The following FTCDNL1 variants were observed in gnomAD, a reference collection of about 807,000 sequenced individuals.
FTCDNL1 encodes formiminotransferase N-terminal subdomain-containing protein.
Under a neutral mutation model 5.9 loss-of-function variants are expected in FTCDNL1, and 11 were observed. The ratio of observed to expected loss-of-function variants is 1.87; its 90% CI spans 1.18 to 3.10. The LOEUF is 3.10. Ranked by LOEUF, FTCDNL1 falls within the 30% of genes most tolerant of loss-of-function variation. The probability of loss-of-function intolerance (pLI) is 0.00; values close to 1 mark genes in which losing one functional copy is unlikely to be tolerated. For synonymous variants in FTCDNL1, 58 were observed against 24.8 expected, an observed-to-expected ratio of 2.34 and a Z score of -3.99; for missense variants, 115 against 65.5, an observed-to-expected ratio of 1.76 and a Z score of -2.61.
chr2:199,805,017 A>G (rs1401817171), downstream of FTCDNL1, among the ~76,000 whole-genome samples: 3 of 152,148 alleles, frequency 2.0e-5, no homozygotes, highest in African/African-American at 7.2e-5. Context: ...GGAAGGTGGC[A>G]CTGCCCAGCT....
chr2:199,666,585 T>C, the FTCDNL1 span, among the ~76,000 whole-genome samples: 1 of 152,180 alleles, frequency 6.6e-6, no homozygotes, highest in Non-Finnish European at 1.5e-5. Context: ...TCAGAACTCT[T>C]GGTTTTAGAA....
At chr2:199,833,355 A>G (rs1702502982) in intron 3 of FTCDNL1, among the ~76,000 whole-genome samples, 1 of 102,642 alleles carries the variant, frequency 9.7e-6, no homozygotes, top group South Asian at 3.1e-4. Context: ...GTTCATGCTG[A>G]TCAGAGACTG....
chr2:199,805,735 T>A (rs184505648), downstream of FTCDNL1, among the ~76,000 whole-genome samples: 8 of 151,612 alleles, frequency 5.3e-5, no homozygotes, highest in South Asian at 6.3e-4. Flanking sequence ...TAAGACTCTG[T>A]CTCAAAAAAT....
In FTCDNL1 at chr2:199,850,919, G is replaced by A. The variant is rs2106635273; in HGVS notation, c.-187C>T. The A allele has an allele frequency of 6.6e-6, 1 of 152,240 alleles. No individual in the cohort carries two copies. The highest frequency in any genetic ancestry group is 6.5e-5 in the Admixed American group (1 of 15,296). 9.4% of individuals were successfully genotyped at this position (152,240 alleles called of 1,614,324 possible). A position where few individuals can be genotyped will look rare whatever the true frequency, so the allele number is the denominator to read the frequency against. ...TGAAAGGGAACCCGAAGTGACTCCCGGCCTCCCCACAGGTCTCGCGGGACG... is the reference window on the plus strand; with the variant it reads ...TGAAAGGGAACCCGAAGTGACTCCCAGCCTCCCCACAGGTCTCGCGGGACG... On this transcript the variant is annotated 5_prime_UTR_variant, in exon 1 of 5. Coordinates refer to ENST00000420128, the MANE Select transcript of FTCDNL1 (RefSeq NM_001363886.2).
chr2:199,840,401 A>T (rs2076550071), intron 3 of FTCDNL1, among the ~76,000 whole-genome samples: 1 of 152,204 alleles, frequency 6.6e-6, no homozygotes, highest in Non-Finnish European at 1.5e-5. Flanking sequence ...ACCACTAACT[A>T]TTGACCCAAA....
intron 3 of FTCDNL1, 77 bp downstream of exon 3, chr2:199,845,998 T>TAGAGGGGAGTATTA: frequency 1.7e-6 from 1 of 595,170 alleles, no homozygotes; most frequent in Non-Finnish European, 3.0e-6. Context: ...ACAGAGGAAA[T>TAGAGGGGAGTATTA]CAATGATTAG....
chr2:199,819,926 C>G (rs1701583053), intron 3 of FTCDNL1, among the ~76,000 whole-genome samples, 169 bp from the exon 4 acceptor site: 1 of 152,174 alleles, frequency 6.6e-6, no homozygotes, highest in Non-Finnish European at 1.5e-5. Context: ...TGTTGTGCAA[C>G]CATCACCACT....
chr2:199,694,550 G>A, the FTCDNL1 span, among the ~76,000 whole-genome samples: 1 of 152,168 alleles, frequency 6.6e-6, no homozygotes, highest in Admixed American at 6.5e-5. Context: ...GACTAGCCAT[G>A]CACAGAGACT....
the FTCDNL1 span, among the ~76,000 whole-genome samples, chr2:199,694,250 C>A: frequency 1.3e-5 from 2 of 152,158 alleles, no homozygotes; most frequent in Non-Finnish European, 2.9e-5. Flanking sequence ...ATATTCAGAC[C>A]TACCAGGTGT....
At chr2:199,779,693 G>C (rs1002081830) in intron 3 of FTCDNL1, among the ~76,000 whole-genome samples, 1 of 152,182 alleles carries the variant, frequency 6.6e-6, no homozygotes, top group African/African-American at 2.4e-5. Flanking sequence ...ATCAAACCTG[G>C]AAAACCATGG....
chr2:199,799,114 C>T (rs1223640371), intron 3 of FTCDNL1, among the ~76,000 whole-genome samples: 1 of 152,166 alleles, frequency 6.6e-6, no homozygotes, highest in Non-Finnish European at 1.5e-5. Context: ...TGGCCCCTTT[C>T]CAATGGCAGT....
chr2:199,748,702 A>G, the FTCDNL1 span, among the ~76,000 whole-genome samples: 1 of 152,158 alleles, frequency 6.6e-6, no homozygotes, highest in Non-Finnish European at 1.5e-5. Context: ...AAATCCTTCC[A>G]TGACTTCCAT....
the FTCDNL1 span, among the ~76,000 whole-genome samples, chr2:199,741,115 G>A: frequency 6.6e-6 from 1 of 152,072 alleles, no homozygotes; most frequent in Non-Finnish European, 1.5e-5. Context: ...GCTTATGTTC[G>A]TGCAGTTAAT....
At chr2:199,742,237 C>T in the FTCDNL1 span, among the ~76,000 whole-genome samples, 797 of 152,208 alleles carry the variant, frequency 5.2e-3, 11 homozygotes, top group African/African-American at 0.018. Flanking sequence ...CCACTACCCC[C>T]AACACTTCCC....
At chr2:199,848,166 C>T (rs1235380641) in intron 2 of FTCDNL1, among the ~76,000 whole-genome samples, 1 of 152,142 alleles carries the variant, frequency 6.6e-6, no homozygotes, top group Non-Finnish European at 1.5e-5. Flanking sequence ...ACAAATAATA[C>T]CTAACCATGT....
the FTCDNL1 span, among the ~76,000 whole-genome samples, chr2:199,714,366 A>G: frequency 3.3e-4 from 50 of 152,308 alleles, no homozygotes; most frequent in East Asian, 8.9e-3. Context: ...ACCATCAATA[A>G]TGTTTATCTC....
At position 199,790,983 on chromosome 2, in the gene FTCDNL1, G is replaced by A. The variant is rs919760807; in HGVS notation, c.212-30148C>T. 5.3e-5 allele frequency among the ~76,000 whole-genome samples: 8 copies of A among 152,116 alleles called. 1 individual carries two copies. Among genetic ancestry groups the A allele is most frequent in the African/African-American group, 1.7e-4 (7 of 41,422 alleles). On this transcript the variant is annotated intron_variant, in intron 3 of 3. Coordinates refer to the FTCDNL1 transcript ENST00000416668. The stretch of plus-strand genomic sequence containing the variant: ...AGAGACATAAAAACACCACTGGCAA[G>A]TGTGGACATAGGTATTGTGATATTT...
intron 3 of FTCDNL1, among the ~76,000 whole-genome samples, chr2:199,761,569 G>A (rs953440290): frequency 6.6e-6 from 1 of 152,148 alleles, no homozygotes; most frequent in African/African-American, 2.4e-5. Context: ...ATGAAACTGA[G>A]GAAAACCTGA....
At chr2:199,719,402 C>G in the FTCDNL1 span, among the ~76,000 whole-genome samples, 47 of 152,198 alleles carry the variant, frequency 3.1e-4, no homozygotes, top group African/African-American at 1.1e-3. Flanking sequence ...TTTTATATCA[C>G]TACCATGCTG....
Sources: gnomAD v4.1 joint callset for allele counts (sites outside exome capture counted in the v4.1 genomes callset) on GRCh38, gnomAD v4.1.1 for gene constraint, MANE v1.5 for transcripts, NCBI Gene and HGNC (gene_info 2026-07-23, HGNC 2026-07-21) for gene names.